Variants in PHACTR3 observed in about 807,000 individuals in gnomAD.
PHACTR3 encodes the protein protein phosphatase 1, regulatory subunit 123.
In PHACTR3, 16 loss-of-function variants were observed where a neutral mutation model predicts 66.8. That is an observed-to-expected ratio of 0.24 (90% CI 0.16 to 0.36). The LOEUF (loss-of-function observed/expected upper bound fraction) is 0.36. PHACTR3 is among the 10% of genes least tolerant of loss of function. The pLI is 1.00. For synonymous variants in PHACTR3, 323 were observed against 292.1 expected, an observed-to-expected ratio of 1.11 and a Z score of -1.08; for missense variants, 647 against 719.9, an observed-to-expected ratio of 0.90 and a Z score of 1.16.
chr20:59,834,797 T>A (rs1232273957), intron 8 of PHACTR3, among the ~76,000 whole-genome samples: 2 of 152,236 alleles, frequency 1.3e-5, no homozygotes, highest in Non-Finnish European at 2.9e-5. Flanking sequence ...CTCTCTCAGA[T>A]GATTTTGTTC....
rs770049446 is a variant in PHACTR3, at chr20:59,806,126, C to T, written c.1260C>T (p.Asn420=). Residue 420 remains asparagine (N), a synonymous_variant, in exon 8 of 13, where the codon AAC becomes AAT. Transcript: ENST00000371015. ...GCAAACAGGAACTAGAAGACCGGAA[C>T]ATTTTCCCCAGAAGGACTGATGAAG... is the stretch of plus-strand genomic sequence containing the variant. ...RPSKQELEDR[N]IFPRRTDEER... 8 of 1,614,252 alleles carry T rather than the reference C, an allele frequency of 5.0e-6. No individual in the cohort carries two copies. The highest frequency in any genetic ancestry group is 2.2e-5 in the East Asian group (1 of 44,888).
rs551028563 is a variant in PHACTR3 at position 59,599,077 on chromosome 20, A to G, written c.109+21460A>G. Among the ~76,000 whole-genome samples, 3 of 152,322 alleles carry G rather than the reference A, an allele frequency of 2.0e-5. No homozygotes were observed. The East Asian group carries it at 5.8e-4, about 29-fold the overall frequency. ...TCCCTGGAGCCCCAGAGAAGAAACT[A>G]GATTGTCCTGGGGGACTGAGGCAGC... On this transcript the variant is annotated intron_variant, in intron 1 of 12. Transcript: ENST00000359926.
intron 1 of PHACTR3, among the ~76,000 whole-genome samples, chr20:59,707,123 T>C (rs922740526): frequency 6.6e-6 from 1 of 152,262 alleles, no homozygotes; most frequent in African/African-American, 2.4e-5. Flanking sequence ...GGCAGGTGGC[T>C]GCATTCAGTG....
intron 1 of PHACTR3, among the ~76,000 whole-genome samples, chr20:59,580,627 A>G (rs1244467814): frequency 6.6e-6 from 1 of 151,990 alleles, no homozygotes; most frequent in Non-Finnish European, 1.5e-5. Flanking sequence ...TGATATCATG[A>G]CATGTCCCAG....
chr20:59,754,285 T>A (rs557635031), intron 3 of PHACTR3, among the ~76,000 whole-genome samples: 1 of 152,308 alleles, frequency 6.6e-6, no homozygotes, highest in African/African-American at 2.4e-5. Flanking sequence ...CAGCCGAGCT[T>A]CAAGAGACGG....
chr20:59,654,302 G>A (rs560687050), intron 1 of PHACTR3, among the ~76,000 whole-genome samples: 8 of 152,182 alleles, frequency 5.3e-5, no homozygotes, highest in African/African-American at 9.6e-5. Flanking sequence ...ATGATTGAAC[G>A]TCTTCTTTAT....
rs562558073 is a variant in PHACTR3, at chr20:59,727,421, T to C, written c.119-15686T>C. Among the ~76,000 whole-genome samples the C allele has an allele frequency of 9.2e-5, 14 of 152,208 alleles. No homozygotes were observed. In the East Asian group the frequency reaches 2.5e-3, roughly 27 times the overall value. ...AAGTGCCAGTCGTGTATAAGGACTGTAGTCAGCGCCACCATGCCACAGCTT... is the reference window on the plus strand; with the variant it reads ...AAGTGCCAGTCGTGTATAAGGACTGCAGTCAGCGCCACCATGCCACAGCTT... On this transcript the variant is annotated intron_variant, in intron 1 of 12. Coordinates refer to ENST00000371015, the MANE Select transcript of PHACTR3 (RefSeq NM_080672.5).
At chr20:59,773,165 C>A in intron 5 of PHACTR3, 114 bp from the exon 6 acceptor site, 2 of 1,237,076 alleles carry the variant, frequency 1.6e-6, no homozygotes, top group Non-Finnish European at 2.3e-6. Context: ...TAGTTGGGGC[C>A]CCTCCTGGAG....
intron 1 of PHACTR3, among the ~76,000 whole-genome samples, chr20:59,686,857 A>G (rs1248942079): frequency 2.8e-5 from 4 of 144,104 alleles, no homozygotes; most frequent in Middle Eastern, 3.7e-3. Context: ...GATGGTGATG[A>G]TGATGGTGGT....
At chr20:59,811,517 G>T (rs1411745268) in intron 8 of PHACTR3, among the ~76,000 whole-genome samples, 1 of 152,222 alleles carries the variant, frequency 6.6e-6, no homozygotes, top group Non-Finnish European at 1.5e-5. Flanking sequence ...AAATTAGCCA[G>T]GCGTGGTGGC....
chr20:59,672,378 C>A (rs2036224995), intron 1 of PHACTR3, among the ~76,000 whole-genome samples: 1 of 152,206 alleles, frequency 6.6e-6, no homozygotes, highest in Non-Finnish European at 1.5e-5. Flanking sequence ...CTCACATGCA[C>A]CTCTCTCAGC....
At chr20:59,693,233 A>G (rs982655574) in intron 1 of PHACTR3, among the ~76,000 whole-genome samples, 1 of 152,160 alleles carries the variant, frequency 6.6e-6, no homozygotes, top group African/African-American at 2.4e-5. Flanking sequence ...CTCATCCTCC[A>G]AGATCCTGTG....
intron 1 of PHACTR3, among the ~76,000 whole-genome samples, chr20:59,692,412 T>C (rs900595289): frequency 2.0e-5 from 3 of 152,244 alleles, no homozygotes; most frequent in Non-Finnish European, 4.4e-5. Flanking sequence ...GTGATGATTT[T>C]GACTGTCGCT....
At chr20:59,693,642 AATTTAGCTTGTGATT>A (rs2037188269) in intron 1 of PHACTR3, among the ~76,000 whole-genome samples, 1 of 152,116 alleles carries the variant, frequency 6.6e-6, no homozygotes. Flanking sequence ...ATTATTCCAG[AATTTAGCTTGTGATT>A]TTGTTGACAA....
chr20:59,686,851 G>A (rs900573675), intron 1 of PHACTR3, among the ~76,000 whole-genome samples: 10 of 133,632 alleles, frequency 7.5e-5, no homozygotes, highest in Admixed American at 2.9e-4. Context: ...GGTGATGATG[G>A]TGATGATGAT....
chr20:59,814,547 T>G (rs1022665907), intron 8 of PHACTR3, among the ~76,000 whole-genome samples: 1 of 152,208 alleles, frequency 6.6e-6, no homozygotes, highest in Non-Finnish European at 1.5e-5. Flanking sequence ...GCCCGGTCCA[T>G]GCTGGACTTG....
At position 59,779,792 on chromosome 20, in the gene PHACTR3, C is replaced by T. The variant is rs934379606; in HGVS notation, c.1174+5302C>T. Among the ~76,000 whole-genome samples the T allele has an allele frequency of 4.6e-5, 7 of 152,360 alleles. No individual in the cohort carries two copies. In the East Asian group the frequency reaches 7.7e-4, roughly 17 times the overall value. On this transcript the variant is annotated intron_variant, in intron 7 of 12. Coordinates refer to ENST00000371015, the MANE Select transcript of PHACTR3 (RefSeq NM_080672.5). ...GAGGCCCTATGCCCACATGCACATG[C>T]GTGCCCACACACACAGGCTTGCACA...
chr20:59,786,913 G>A (rs1487632440), intron 7 of PHACTR3, among the ~76,000 whole-genome samples: 1 of 144,534 alleles, frequency 6.9e-6, no homozygotes, highest in Non-Finnish European at 1.5e-5. Context: ...CTCAACAATG[G>A]TGATCTTCAC....
At chr20:59,740,612 C>A (rs933029084) in intron 1 of PHACTR3, among the ~76,000 whole-genome samples, 3 of 152,212 alleles carry the variant, frequency 2.0e-5, no homozygotes, top group Admixed American at 6.5e-5. Flanking sequence ...GAATTTATGA[C>A]CACACTGAGT....
Sources: gnomAD v4.1 joint callset for allele counts (sites outside exome capture counted in the v4.1 genomes callset) on GRCh38, gnomAD v4.1.1 for gene constraint, MANE v1.5 for transcripts, NCBI Gene and HGNC (gene_info 2026-07-23, HGNC 2026-07-21) for gene names.